The following PCDH15 variants were observed in gnomAD, a reference collection of about 807,000 sequenced individuals.
The protein encoded by PCDH15 is protocadherin related 15.
In PCDH15, 129 loss-of-function variants were observed where a neutral mutation model predicts 178.5. The ratio of observed to expected loss-of-function variants is 0.72; its 90% CI spans 0.63 to 0.84. The LOEUF (loss-of-function observed/expected upper bound fraction) is 0.84, where lower values mean the gene tolerates loss of function less well. Ranked by LOEUF, PCDH15 falls within the 40% of genes least tolerant of loss-of-function variation. PCDH15 has a pLI of 0.00. For missense variants in PCDH15, 2,230 were observed against 2,099.9 expected (o/e 1.06, Z -1.21); for synonymous variants, 800 against 732.0 (o/e 1.09, Z -1.50).
chr10:54,240,700 C>T (rs1178678585), intron 8 of PCDH15, among the ~76,000 whole-genome samples: 8 of 148,426 alleles, frequency 5.4e-5, no homozygotes, highest in African/African-American at 1.7e-4. Flanking sequence ...GGCGCGATCC[C>T]GGCTCACTGC....
At chr10:54,175,666 A>G (rs962889498) in intron 13 of PCDH15, among the ~76,000 whole-genome samples, 1 of 152,204 alleles carries the variant, frequency 6.6e-6, no homozygotes, top group Non-Finnish European at 1.5e-5. Context: ...ACAAAGTGGC[A>G]GAAAGAAATG....
At chr10:54,570,962 G>A (rs1210266314) in intron 2 of PCDH15, among the ~76,000 whole-genome samples, 2 of 151,650 alleles carry the variant, frequency 1.3e-5, no homozygotes, top group Non-Finnish European at 2.9e-5. Context: ...CACTGTGCCC[G>A]GCCTCACTTG....
intron 1 of PCDH15, among the ~76,000 whole-genome samples, chr10:55,267,577 G>A (rs1305891029): frequency 6.6e-6 from 1 of 152,108 alleles, no homozygotes; most frequent in East Asian, 1.9e-4. Flanking sequence ...TAAGGTGGTG[G>A]GAGAGGAAAA....
intron 2 of PCDH15, among the ~76,000 whole-genome samples, chr10:54,533,634 A>C (rs2084160245): frequency 6.6e-6 from 1 of 151,590 alleles, no homozygotes; most frequent in Non-Finnish European, 1.5e-5. Flanking sequence ...ATCAAAGATC[A>C]ACTTACCTTT....
intron 15 of PCDH15, among the ~76,000 whole-genome samples, chr10:54,093,209 A>T (rs16937902): frequency 0.016 from 2,430 of 152,242 alleles, 70 homozygotes; most frequent in African/African-American, 0.054. Flanking sequence ...CAATTTGCCT[A>T]CTTCATTCTT....
intron 29 of PCDH15, among the ~76,000 whole-genome samples, chr10:53,833,860 A>C (rs189627522): frequency 6.6e-6 from 1 of 151,894 alleles, no homozygotes. Context: ...CAATGGATAC[A>C]CTTCATGTTG....
chr10:54,469,297 A>G (rs1165301487), intron 3 of PCDH15, among the ~76,000 whole-genome samples: 2 of 151,978 alleles, frequency 1.3e-5, no homozygotes, highest in Non-Finnish European at 2.9e-5. Context: ...AGATTTTACT[A>G]TGTTGGCCAG....
chr10:54,956,017 T>C (rs1838475449), intron 2 of PCDH15, among the ~76,000 whole-genome samples: 1 of 151,422 alleles, frequency 6.6e-6, no homozygotes, highest in South Asian at 2.1e-4. Context: ...ATTTGAACTT[T>C]ATTATTTTAA....
intron 2 of PCDH15, among the ~76,000 whole-genome samples, chr10:55,065,596 C>T (rs1312386927): frequency 6.6e-6 from 1 of 152,036 alleles, no homozygotes; most frequent in African/African-American, 2.4e-5. Flanking sequence ...AGAGTAGATA[C>T]TGTTTCCTTA....
At chr10:54,128,255 A>G (rs2042143619) in intron 15 of PCDH15, among the ~76,000 whole-genome samples, 1 of 152,130 alleles carries the variant, frequency 6.6e-6, no homozygotes, top group Non-Finnish European at 1.5e-5. Flanking sequence ...TCTGTGTTAC[A>G]TCTTGATATG....
chr10:53,840,601 G>A (rs751343954), intron 28 of PCDH15, 105 bp from the exon 29 acceptor site: 13 of 1,097,644 alleles, frequency 1.2e-5, no homozygotes, highest in Non-Finnish European at 1.6e-5. Context: ...AATGATGACA[G>A]CCTAGTTTTT....
At chr10:53,943,097 A>T (rs966321734) in intron 23 of PCDH15, among the ~76,000 whole-genome samples, 1 of 152,136 alleles carries the variant, frequency 6.6e-6, no homozygotes, top group Non-Finnish European at 1.5e-5. Context: ...ATAGAAGCTA[A>T]ATTTTATACT....
chr10:54,366,502 AGTAT>A (rs1164398174), intron 5 of PCDH15, among the ~76,000 whole-genome samples: 1 of 152,046 alleles, frequency 6.6e-6, no homozygotes, highest in African/African-American at 2.4e-5. Context: ...ACACATATAT[AGTAT>A]GTATGTATCT....
chr10:55,263,395 G>C (rs1564945761), intron 1 of PCDH15, among the ~76,000 whole-genome samples: 1 of 152,134 alleles, frequency 6.6e-6, no homozygotes, highest in East Asian at 1.9e-4. Context: ...CCTATGCCTA[G>C]AGGTGCCACC....
At chr10:54,487,831 A>G (rs553319363) in intron 3 of PCDH15, among the ~76,000 whole-genome samples, 1 of 152,100 alleles carries the variant, frequency 6.6e-6, no homozygotes, top group East Asian at 1.9e-4. Flanking sequence ...TAGTAAAGGA[A>G]CTAAACTAAT....
intron 1 of PCDH15, among the ~76,000 whole-genome samples, chr10:54,789,653 AT>A (rs1322457790): frequency 6.6e-6 from 1 of 151,964 alleles, no homozygotes; most frequent in Non-Finnish European, 1.5e-5. Flanking sequence ...CCATGTTTAA[AT>A]GCAACTATTT....
chr10:53,953,781 C>CTGTTT lies in PCDH15; in HGVS notation c.3122+5946_3122+5950dup, dbSNP rs966596260. Among the ~76,000 whole-genome samples the CTGTTT allele has an allele frequency of 4.3e-4, 65 of 151,870 alleles. 1 individual carries two copies. In the South Asian group the frequency reaches 6.2e-3, roughly 15 times the overall value. On this transcript the variant is annotated intron_variant, in intron 23 of 37. Transcript: ENST00000644397. ...AAAGTAAAGAAGTAATTTTTTTGTT[C>CTGTTT]TGTTTTGTTTTGTTTTGTTTTGTTC...
intron 3 of PCDH15, among the ~76,000 whole-genome samples, chr10:54,403,288 G>C (rs1157984881): frequency 6.6e-6 from 1 of 152,050 alleles, no homozygotes; most frequent in Non-Finnish European, 1.5e-5. Flanking sequence ...GGTTCATAAG[G>C]CTTAAGGAAA....
At chr10:53,831,680 A>AT in intron 29 of PCDH15, 147 bp from the exon 30 acceptor site, 3 of 637,768 alleles carry the variant, frequency 4.7e-6, no homozygotes, top group Non-Finnish European at 8.0e-6. Flanking sequence ...AGAAAAGCAT[A>AT]TATAAAAAGC....
Sources: gnomAD v4.1 joint callset for allele counts (sites outside exome capture counted in the v4.1 genomes callset) on GRCh38, gnomAD v4.1.1 for gene constraint, MANE v1.5 for transcripts, NCBI Gene and HGNC (gene_info 2026-07-23, HGNC 2026-07-21) for gene names.